The following ZNF536 variants were observed in gnomAD, a reference collection of about 807,000 sequenced individuals.
ZNF536 encodes the protein zinc finger protein 536.
In ZNF536, 13 loss-of-function variants were observed where a neutral mutation model predicts 84.5. That is an observed-to-expected ratio of 0.15 (90% CI 0.10 to 0.24). ZNF536 has a LOEUF of 0.24. Ranked by LOEUF, ZNF536 falls within the 10% of genes least tolerant of loss-of-function variation. The pLI is 1.00. For missense variants in ZNF536, 1,536 were observed against 1,747.5 expected, an observed-to-expected ratio of 0.88 and a Z score of 2.16; for synonymous variants, 811 against 742.5, an observed-to-expected ratio of 1.09 and a Z score of -1.50.
intron 2 of ZNF536, among the ~76,000 whole-genome samples, chr19:30,471,901 A>G (rs1176911715): frequency 6.6e-6 from 1 of 152,114 alleles, no homozygotes; most frequent in African/African-American, 2.4e-5. Context: ...TCAGTGCTCA[A>G]AGCAGCATTT....
chr19:30,444,812 G>T lies in ZNF536; in HGVS notation c.1250G>T (p.Gly417Val), dbSNP rs868755543. Reference protein sequence around the residue: ...SDPEVPVPMGGMSQEAHANLY... With the variant: ...SDPEVPVPMGVMSQEAHANLY... ...CCCGAGGTGCCTGTGCCCATGGGCG[G>T]CATGTCCCAGGAGGCCCACGCCAAC... Residue 417 changes from glycine to valine, a missense_variant, in exon 2 of 5, where the codon GGC becomes GTC. By Grantham distance (109) the Gly-to-Val change is moderately radical. This residue lies in a region of ZNF536 where 366 missense variants were observed against 364.4 expected (regional missense o/e 1.00). Transcript: ENST00000355537. 6.2e-7 allele frequency: 1 copy of T among 1,613,866 alleles called. No individual in the cohort carries two copies. The highest frequency in any genetic ancestry group is 8.5e-7 in the Non-Finnish European group (1 of 1,180,046).
intron 2 of ZNF536, among the ~76,000 whole-genome samples, chr19:30,502,467 G>C (rs1011212171): frequency 6.6e-6 from 1 of 152,094 alleles, no homozygotes; most frequent in Non-Finnish European, 1.5e-5. Context: ...AGATCGAACT[G>C]TGTATGTCCA....
intron 1 of ZNF536, among the ~76,000 whole-genome samples, chr19:30,431,076 C>T (rs1250479528): frequency 2.6e-5 from 4 of 152,222 alleles, no homozygotes; most frequent in African/African-American, 4.8e-5. Flanking sequence ...TTCCTGATCA[C>T]GGTTCGAAAT....
At chr19:30,519,821 A>G (rs904333991) in intron 2 of ZNF536, among the ~76,000 whole-genome samples, 5 of 152,272 alleles carry the variant, frequency 3.3e-5, no homozygotes, top group African/African-American at 1.2e-4. Context: ...TCTAAGGGAC[A>G]CAAGAGTGAG....
At chr19:30,680,848 A>AACTAGTTTACAG (rs1490271901) in intron 1 of ZNF536, among the ~76,000 whole-genome samples, 2 of 152,132 alleles carry the variant, frequency 1.3e-5, no homozygotes, top group African/African-American at 2.4e-5. Context: ...ACAATGGCTG[A>AACTAGTTTACAG]ACTAGTTTAC....
At chr19:30,587,441 CA>C (rs1330514222) in intron 1 of ZNF536, among the ~76,000 whole-genome samples, 4 of 152,208 alleles carry the variant, frequency 2.6e-5, no homozygotes, top group Non-Finnish European at 5.9e-5. Context: ...TTAATTATGG[CA>C]AGCATGGTCT....
At chr19:30,522,262 C>CACATGTATATATATAT (rs2044375836) in intron 2 of ZNF536, among the ~76,000 whole-genome samples, 1 of 7,638 alleles carries the variant, frequency 1.3e-4, no homozygotes, top group African/African-American at 7.2e-4. Flanking sequence ...GATATATATA[C>CACATGTATATATATAT]ATATATATAT....
chr19:30,501,305 G>C (rs746992213), intron 2 of ZNF536, among the ~76,000 whole-genome samples: 1 of 152,180 alleles, frequency 6.6e-6, no homozygotes, highest in Non-Finnish European at 1.5e-5. Context: ...GGAAGCCAAG[G>C]TTTGGAGAAG....
In ZNF536 at chr19:30,250,272, C is replaced by T. The variant is rs75828615; in HGVS notation, c.-190+21599C>T. Among the ~76,000 whole-genome samples the T allele has an allele frequency of 9.7e-4, 147 of 152,300 alleles. 2 individuals are homozygous for T. The East Asian group carries it at 0.027, about 28-fold the overall frequency. ...ACTTTTAAGAAGGGCTTTTCTTGTG[C>T]GGGCCTCCTCCAAAGACCCTAACCC... On this transcript the variant is annotated intron_variant, in intron 1 of 5. Transcript: ENST00000585628.
intron 1 of ZNF536, among the ~76,000 whole-genome samples, chr19:30,374,758 T>C (rs2048743804): frequency 6.6e-6 from 1 of 151,240 alleles, no homozygotes; most frequent in South Asian, 2.1e-4. Flanking sequence ...AGAGGGCGAG[T>C]TTCATCCTGG....
At chr19:30,312,911 C>T (rs1329526100) in intron 2 of ZNF536, among the ~76,000 whole-genome samples, 1 of 152,246 alleles carries the variant, frequency 6.6e-6, no homozygotes, top group Non-Finnish European at 1.5e-5. Flanking sequence ...AAAATGGGTA[C>T]AGTAGCATTT....
At chr19:30,485,696 T>TG (rs1276494365) in intron 2 of ZNF536, among the ~76,000 whole-genome samples, 1 of 133,152 alleles carries the variant, frequency 7.5e-6, no homozygotes, top group Non-Finnish European at 1.5e-5. Context: ...AAGCAGGCGG[T>TG]GGGGTGGGGG....
intron 4 of ZNF536, among the ~76,000 whole-genome samples, chr19:30,551,354 A>G (rs1234516467): frequency 6.6e-6 from 1 of 152,166 alleles, no homozygotes; most frequent in Non-Finnish European, 1.5e-5. Context: ...ATCCTTTCGC[A>G]CCAGGCGAGG....
intron 2 of ZNF536, among the ~76,000 whole-genome samples, chr19:30,482,599 G>A (rs1388419004): frequency 6.6e-6 from 1 of 151,622 alleles, no homozygotes; most frequent in Admixed American, 6.6e-5. Flanking sequence ...ACTAAATCTA[G>A]AGTTTTAAAA....
chr19:30,401,468 T>C (rs1289270671), intron 1 of ZNF536, among the ~76,000 whole-genome samples: 1 of 152,030 alleles, frequency 6.6e-6, no homozygotes, highest in Non-Finnish European at 1.5e-5. Flanking sequence ...CCCAGTGGGG[T>C]TTGCTCTGCA....
chr19:30,264,970 A>T (rs4992904), intron 1 of ZNF536, among the ~76,000 whole-genome samples: 11 of 113,286 alleles, frequency 9.7e-5, no homozygotes, highest in Non-Finnish European at 1.3e-4. Flanking sequence ...TGTGTGTGAG[A>T]GAGAGAGAGA....
chr19:30,416,534 C>T lies in ZNF536; in HGVS notation c.-2-27027C>T, dbSNP rs1038824290. Among the ~76,000 whole-genome samples, 11 of 152,028 alleles carry T rather than the reference C, an allele frequency of 7.2e-5. 1 individual carries two copies. The highest frequency in any genetic ancestry group is 1.7e-4 in the African/African-American group (7 of 41,366). On this transcript the variant is annotated intron_variant, in intron 1 of 4. Coordinates refer to ENST00000355537, the MANE Select transcript of ZNF536 (RefSeq NM_014717.3). ...GAGGGTTCTGGGACTGTCAGACTCACGTTAGGATGTGCAGTGTGGGGTGTG... is the reference window on the plus strand; with the variant it reads ...GAGGGTTCTGGGACTGTCAGACTCATGTTAGGATGTGCAGTGTGGGGTGTG...
chr19:30,437,052 A>G (rs2051782947), intron 1 of ZNF536, among the ~76,000 whole-genome samples: 1 of 152,242 alleles, frequency 6.6e-6, no homozygotes, highest in Non-Finnish European at 1.5e-5. Context: ...GTTATTTTGA[A>G]AGCATTTTAT....
At chr19:30,345,232 G>A (rs776216492) in intron 2 of ZNF536, among the ~76,000 whole-genome samples, 47 of 102,384 alleles carry the variant, frequency 4.6e-4, no homozygotes, top group Admixed American at 9.2e-4. Context: ...GGAGGACCAC[G>A]CCCCGGGGGC....
Sources: allele counts gnomAD v4.1 joint callset (sites outside exome capture counted in the v4.1 genomes callset), GRCh38; gene constraint gnomAD v4.1.1; regional missense constraint gnomAD v4.1.1; transcripts MANE v1.5; gene names NCBI Gene and HGNC (gene_info 2026-07-23, HGNC 2026-07-21).